USP34: variants seen among roughly 807,000 people sequenced by gnomAD.
USP34 encodes ubiquitin specific peptidase 34, also known as ubiquitin carboxyl-terminal hydrolase 34.
A neutral mutation model predicts 460.3 loss-of-function variants in USP34; 70 were observed. That is an observed-to-expected ratio of 0.15 (90% CI 0.13 to 0.19). USP34 has a LOEUF of 0.19. Ranked by LOEUF, USP34 falls within the 10% of genes least tolerant of loss-of-function variation. The pLI, the probability that USP34 is intolerant of heterozygous loss-of-function variation, is 1.00. For missense variants in USP34, 3,985 were observed against 4,236.2 expected, an observed-to-expected ratio of 0.94 and a Z score of 1.65; for synonymous variants, 1,647 against 1,405.3, an observed-to-expected ratio of 1.17 and a Z score of -3.85.
chr2:61,203,013 TTAA>T, intron 75 of USP34, 124 bp downstream of exon 75: 8 of 1,010,466 alleles, frequency 7.9e-6, no homozygotes, highest in Non-Finnish European at 1.1e-5. Flanking sequence ...CCCAAGAATA[TTAA>T]TATTTTTAAG....
At chr2:61,390,095 T>A (rs1197911073) in intron 5 of USP34, among the ~76,000 whole-genome samples, 1 of 152,198 alleles carries the variant, frequency 6.6e-6, no homozygotes, top group Non-Finnish European at 1.5e-5. Flanking sequence ...AAATTGCTAT[T>A]GTGTTCCCCT....
At chr2:61,419,462 C>T (rs1694295472) in intron 2 of USP34, among the ~76,000 whole-genome samples, 1 of 152,128 alleles carries the variant, frequency 6.6e-6, no homozygotes, top group Admixed American at 6.6e-5. Context: ...TTTATAATTT[C>T]ATTCCCATCC....
chr2:61,199,339 T>A (rs916175073), intron 75 of USP34, among the ~76,000 whole-genome samples: 2 of 152,114 alleles, frequency 1.3e-5, no homozygotes, highest in African/African-American at 4.8e-5. Context: ...CACTGCAACC[T>A]CCGCCTCCCA....
intron 10 of USP34, among the ~76,000 whole-genome samples, chr2:61,369,364 G>A (rs1327037369): frequency 6.6e-6 from 1 of 152,152 alleles, no homozygotes; most frequent in African/African-American, 2.4e-5. Context: ...GACTCGGGGG[G>A]CCAGGAGTGG....
chr2:61,318,517 G>C (rs1572930268), intron 22 of USP34, among the ~76,000 whole-genome samples: 1 of 152,218 alleles, frequency 6.6e-6, no homozygotes, highest in East Asian at 1.9e-4. Flanking sequence ...TTCCAACATG[G>C]AGATAACGTC....
chr2:61,229,564 G>A lies in USP34; in HGVS notation c.7183C>T (p.Pro2395Ser), dbSNP rs769823117. The A allele has an allele frequency of 9.9e-6, 16 of 1,608,462 alleles. No individual in the cohort carries two copies. The highest frequency in any genetic ancestry group is 2.7e-5 in the African/African-American group (2 of 74,306). Residue 2395 changes from proline (P) to serine (S), a missense_variant, in exon 59 of 80, where the codon CCA becomes TCA. Coordinates refer to ENST00000398571, the MANE Select transcript of USP34 (RefSeq NM_014709.4). The stretch of plus-strand genomic sequence containing the variant: ...ACTTCTTACCCATCTTCCATTCCTG[G>A]CTGCAAATAGAGATGAGCATGCACA... ...RPVHAHLYLQPGMEDGSDDMD... is the reference protein window; with the variant it reads ...RPVHAHLYLQSGMEDGSDDMD...
intron 1 of USP34, among the ~76,000 whole-genome samples, chr2:61,430,812 A>G (rs912013196): frequency 6.6e-6 from 1 of 152,102 alleles, no homozygotes; most frequent in African/African-American, 2.4e-5. Flanking sequence ...CCAGGAGTTC[A>G]AGACCACCCT....
Position 61,348,310 on chromosome 2 carries a change from T to G in USP34, c.1845A>C (p.Ala615=). 6.2e-7 allele frequency: 1 copy of G among 1,614,210 alleles called. No individual in the cohort carries two copies. Among genetic ancestry groups the G allele is most frequent in the African/African-American group, 1.3e-5 (1 of 75,068 alleles). The change falls in exon 15 of 80, where the codon GCA becomes GCC. Residue 615 remains alanine, a synonymous_variant. Transcript: ENST00000398571. ...CTTCCTCTTTGAGGGCTTCAATATCTGCAATGTCTTCTGACTGTACCTCAC... is the reference window on the plus strand; with the variant it reads ...CTTCCTCTTTGAGGGCTTCAATATCGGCAATGTCTTCTGACTGTACCTCAC... The part of the protein sequence containing the change: ...PGSEVQSEDI[A]DIEALKEEDE...
chr2:61,281,584 G>A (rs1204033072), intron 37 of USP34, among the ~76,000 whole-genome samples: 1 of 152,178 alleles, frequency 6.6e-6, no homozygotes, highest in African/African-American at 2.4e-5. Flanking sequence ...TCCAGACTGG[G>A]TGGCAGAACA....
chr2:61,228,623 T>A, intron 61 of USP34, 22 bp downstream of exon 61: 2 of 1,599,984 alleles, frequency 1.3e-6, no homozygotes, highest in Non-Finnish European at 1.7e-6. Context: ...TAATACCTAA[T>A]GTACGATAGA....
At position 61,281,074 on chromosome 2, in the gene USP34, C is replaced by G. The variant is rs756381205; in HGVS notation, c.5151+16G>C. ...TTCAAAAATAGAAACTGCTTCTAAACACAGTAAAATCTTACCCTAATAGGT... is the reference window on the plus strand; with the variant it reads ...TTCAAAAATAGAAACTGCTTCTAAAGACAGTAAAATCTTACCCTAATAGGT... On this transcript the variant is annotated intron_variant, in intron 38 of 79. Transcript: ENST00000398571. The G allele has an allele frequency of 6.2e-7, 1 of 1,609,652 alleles. No individual in the cohort carries two copies. The highest frequency in any genetic ancestry group is 1.1e-5 in the South Asian group (1 of 90,614).
At chr2:61,352,192 T>C (rs575060092) in intron 10 of USP34, among the ~76,000 whole-genome samples, 51 of 152,288 alleles carry the variant, frequency 3.3e-4, no homozygotes, top group African/African-American at 9.9e-4. Flanking sequence ...GTTCAAATTT[T>C]AGAGTTTTGG....
chr2:61,359,270 C>G (rs1428981286), intron 10 of USP34, among the ~76,000 whole-genome samples: 1 of 152,068 alleles, frequency 6.6e-6, no homozygotes, highest in South Asian at 2.1e-4. Context: ...GAATGCAGAT[C>G]CCAAAAATAA....
chr2:61,286,079 G>A (rs1174904037), intron 34 of USP34, among the ~76,000 whole-genome samples: 1 of 152,150 alleles, frequency 6.6e-6, no homozygotes, highest in African/African-American at 2.4e-5. Flanking sequence ...TGGCAGAAGT[G>A]AGAAAACTTC....
intron 2 of USP34, among the ~76,000 whole-genome samples, chr2:61,412,955 A>G (rs955967848): frequency 6.6e-5 from 10 of 152,070 alleles, no homozygotes; most frequent in Non-Finnish European, 4.4e-5. Flanking sequence ...TCTGACTAAC[A>G]TAGTTCCAAG....
In USP34 at chr2:61,405,993, G is replaced by A. The variant is rs201082769; in HGVS notation, c.267C>T (p.Asn89=). Residue 89 remains asparagine (N), a synonymous_variant, in exon 3 of 80, where the codon AAC becomes AAT. Transcript: ENST00000398571. ...DQLCKHCTTI[N]IDSTWQDESN... is the part of the protein sequence containing the mutation. ...TCTCATCTTGCCACGTGGAATCTAT[G>A]TTAATGGTAGTACAATGTTTACAAA... 1.1e-5 allele frequency: 17 copies of A among 1,613,594 alleles called. No homozygotes were observed. In the East Asian group the frequency reaches 1.8e-4, roughly 17 times the overall value.
At chr2:61,234,946 G>A (rs981392258) in intron 57 of USP34, among the ~76,000 whole-genome samples, 1 of 152,014 alleles carries the variant, frequency 6.6e-6, no homozygotes, top group Non-Finnish European at 1.5e-5. Flanking sequence ...CCAAGTTTCT[G>A]TTTTAAATAA....
intron 1 of USP34, among the ~76,000 whole-genome samples, chr2:61,460,065 A>G (rs1267193817): frequency 6.6e-6 from 1 of 152,184 alleles, no homozygotes; most frequent in Non-Finnish European, 1.5e-5. Context: ...CCATCTCAGA[A>G]AAAAGATACT....
At chr2:61,338,414 T>C (rs1435962542) in intron 18 of USP34, among the ~76,000 whole-genome samples, 1 of 152,224 alleles carries the variant, frequency 6.6e-6, no homozygotes, top group African/African-American at 2.4e-5. Context: ...AATGAATTTT[T>C]CTACTGTAAC....
Sources: gnomAD v4.1 joint callset for allele counts (sites outside exome capture counted in the v4.1 genomes callset) on GRCh38, gnomAD v4.1.1 for gene constraint, MANE v1.5 for transcripts, NCBI Gene and HGNC (gene_info 2026-07-23, HGNC 2026-07-21) for gene names.